TARS3: variants seen among roughly 807,000 people sequenced by gnomAD.
The protein encoded by TARS3 is threonine--tRNA ligase 2, cytoplasmic.
In TARS3, 94 loss-of-function variants were observed where a neutral mutation model predicts 103.5. The ratio of observed to expected loss-of-function variants is 0.91; its 90% confidence interval spans 0.77 to 1.08. The LOEUF is 1.08. Among genes scored for constraint, TARS3 ranks in the 50% least tolerant of loss-of-function variants. The pLI is 0.00. For missense variants in TARS3, 952 were observed against 995.2 expected (o/e 0.96, Z 0.58); for synonymous variants, 416 against 355.4 (o/e 1.17, Z -1.92).
chr15:101,723,948 CAGGG>C, intron 1 of TARS3, 139 bp downstream of exon 1: 7 of 743,328 alleles, frequency 9.4e-6, no homozygotes, highest in Non-Finnish European at 1.3e-5. Flanking sequence ...CCGAGCAGGG[CAGGG>C]CGGGCCAGCC....
At chr15:101,655,581 A>G (rs1897170470) in intron 18 of TARS3, among the ~76,000 whole-genome samples, 1 of 138,348 alleles carries the variant, frequency 7.2e-6, no homozygotes, top group Non-Finnish European at 1.6e-5. Flanking sequence ...ACCTGGCACT[A>G]GGGCGCAAAT....
chr15:101,678,391 C>T (rs1340356866), intron 12 of TARS3, among the ~76,000 whole-genome samples: 2 of 152,118 alleles, frequency 1.3e-5, no homozygotes, highest in Non-Finnish European at 2.9e-5. Flanking sequence ...CTTGTTCTCT[C>T]TTGTTATTCA....
chr15:101,711,228 T>C (rs2141444957), intron 5 of TARS3, among the ~76,000 whole-genome samples: 1 of 152,288 alleles, frequency 6.6e-6, no homozygotes, highest in South Asian at 2.1e-4. Context: ...CATATTCTTC[T>C]GGGGACAAAA....
In TARS3 at chr15:101,703,817, T is replaced by A. The variant is rs760447934; in HGVS notation, c.1074+42A>T. The A allele has an allele frequency of 2.4e-6, 3 of 1,239,440 alleles. No homozygotes were observed. In the Admixed American group the frequency reaches 5.2e-5, roughly 21 times the overall value. The allele number at this position is 1,239,440 out of a possible 1,614,324, so 76.8% of individuals were successfully genotyped here. The stretch of plus-strand genomic sequence containing the variant: ...ATGATTAAAATCCTTTAATAGCTAG[T>A]GCACCTTAAGTTTACTGTATTAAAA... On this transcript the variant is annotated intron_variant, in intron 8 of 18. Transcript: ENST00000335968.
In TARS3 at chr15:101,703,461, A is replaced by G. The variant is rs542431910; in HGVS notation, c.1074+398T>C. 3.9e-5 allele frequency among the ~76,000 whole-genome samples: 6 copies of G among 152,206 alleles called. No homozygotes were observed. In the South Asian group the frequency reaches 1.2e-3, roughly 32 times the overall value. ...AAAAATTAGCCGGGTGGGGTGGTGC[A>G]GGCCTGTAATCACAGCTCCTCAGGA... On this transcript the variant is annotated intron_variant, in intron 8 of 18. Transcript: ENST00000335968.
chr15:101,666,749 A>G (rs920482159), intron 15 of TARS3, among the ~76,000 whole-genome samples: 3 of 152,184 alleles, frequency 2.0e-5, no homozygotes, highest in Admixed American at 2.0e-4. Context: ...ATATCTTCAG[A>G]TATATGAGAA....
chr15:101,701,449 A>G (rs1211904397), intron 9 of TARS3, among the ~76,000 whole-genome samples: 4 of 152,216 alleles, frequency 2.6e-5, no homozygotes, highest in African/African-American at 9.6e-5. Flanking sequence ...TACGGCACTC[A>G]TGGGGAGACA....
In TARS3 at chr15:101,723,147, G is replaced by C. The variant is rs779864202; in HGVS notation, c.315C>G (p.Ser105Arg). ...EAGAQPPPSQ[S>R]QDKDMKKKKM... ...TCTTCTTTTTCATGTCCTTGTCTTG[G>C]CTTTGACTAGGAGGAGGCTGAAAGA... The change falls in exon 2 of 19, where the codon AGC (serine) becomes AGG (arginine). Residue 105 changes from serine to arginine, a missense_variant. By Grantham distance (110) the Ser-to-Arg change is moderately radical. Coordinates refer to ENST00000335968, the MANE Select transcript of TARS3 (RefSeq NM_152334.3). The C allele has an allele frequency of 2.5e-6, 4 of 1,613,876 alleles. No individual in the cohort carries two copies. In the South Asian group the frequency reaches 4.4e-5, roughly 18 times the overall value.
chr15:101,684,002 A>G, intron 12 of TARS3, 73 bp downstream of exon 12: 1 of 1,436,816 alleles, frequency 7.0e-7, no homozygotes, highest in Non-Finnish European at 9.3e-7. Context: ...GTAACTCTGA[A>G]AGAATACAAG....
At chr15:101,719,436 C>T (rs1442798239) in intron 3 of TARS3, among the ~76,000 whole-genome samples, 1 of 152,144 alleles carries the variant, frequency 6.6e-6, no homozygotes, top group Non-Finnish European at 1.5e-5. Context: ...AAGAAGAGTA[C>T]CCACAGATAT....
At position 101,714,643 on chromosome 15, in the gene TARS3, T is replaced by C. The variant is rs1051019949; in HGVS notation, c.690+197A>G. 2.9e-5 allele frequency: 6 copies of C among 204,480 alleles called. No homozygotes were observed. The Admixed American group carries it at 3.4e-4, about 12-fold the overall frequency. The allele number at this position is 204,480 out of a possible 1,614,324, so 12.7% of individuals were successfully genotyped here. On this transcript the variant is annotated intron_variant, in intron 4 of 18. Transcript: ENST00000335968. ...AAAAAAAAAAAAAAGAAATTATAAA[T>C]ATGGGCTACTTTAAAAACTGACATG...
intron 11 of TARS3, among the ~76,000 whole-genome samples, chr15:101,684,995 T>G (rs1320791849): frequency 6.6e-6 from 1 of 152,234 alleles, no homozygotes; most frequent in Non-Finnish European, 1.5e-5. Flanking sequence ...AGCTTCTACC[T>G]TCTGTTTAGA....
chr15:101,679,246 C>A (rs1200483778), intron 12 of TARS3, among the ~76,000 whole-genome samples: 3 of 152,166 alleles, frequency 2.0e-5, no homozygotes, highest in Non-Finnish European at 4.4e-5. Flanking sequence ...GTCTCCTCTC[C>A]TTCCAAAATT....
Position 101,691,518 on chromosome 15 carries a change from G to A in TARS3, c.1321-5456C>T, listed in dbSNP as rs188283814. Among the ~76,000 whole-genome samples the A allele has an allele frequency of 2.5e-4, 38 of 152,012 alleles. No homozygotes were observed. In the East Asian group the frequency reaches 4.1e-3, roughly 16 times the overall value. On this transcript the variant is annotated intron_variant, in intron 10 of 18. Coordinates refer to ENST00000335968, the MANE Select transcript of TARS3 (RefSeq NM_152334.3). ...TGGTCTCGAACTCCTGGCTTCAAGCGATCCACCCCTCTCAGCCTCCCAAAG... is the reference window on the plus strand; with the variant it reads ...TGGTCTCGAACTCCTGGCTTCAAGCAATCCACCCCTCTCAGCCTCCCAAAG...
At chr15:101,706,749 A>G (rs1899585265) in intron 6 of TARS3, among the ~76,000 whole-genome samples, 1 of 152,204 alleles carries the variant, frequency 6.6e-6, no homozygotes. Context: ...CTTTATATTA[A>G]ATAACTACTT....
At chr15:101,698,034 G>T (rs1410038284) in intron 10 of TARS3, among the ~76,000 whole-genome samples, 1 of 152,204 alleles carries the variant, frequency 6.6e-6, no homozygotes, top group East Asian at 1.9e-4. Flanking sequence ...AAGGAATCAG[G>T]TTGAGAACAA....
At chr15:101,713,604 T>C (rs1014937657) in intron 4 of TARS3, among the ~76,000 whole-genome samples, 3 of 151,840 alleles carry the variant, frequency 2.0e-5, no homozygotes, top group African/African-American at 7.3e-5. Flanking sequence ...GGAGATGGAG[T>C]TGAGGGACGG....
At chr15:101,709,750 G>C (rs1204651642) in intron 5 of TARS3, among the ~76,000 whole-genome samples, 2 of 152,238 alleles carry the variant, frequency 1.3e-5, no homozygotes, top group Non-Finnish European at 2.9e-5. Context: ...ACCCAGCACA[G>C]AGCACACAGC....
At position 101,679,747 on chromosome 15, in the gene TARS3, A is replaced by G. The variant is rs1429503797; in HGVS notation, c.1651-4010T>C. 4.6e-5 allele frequency among the ~76,000 whole-genome samples: 7 copies of G among 152,180 alleles called. No individual in the cohort carries two copies. In the South Asian group the frequency reaches 1.4e-3, roughly 32 times the overall value. ...TTTATAGTAAGCCTCTGGATCTTAA[A>G]TGTTGTTTTAGCTGACTTCCACTGA... On this transcript the variant is annotated intron_variant, in intron 12 of 18. Transcript: ENST00000335968.
Sources: allele counts gnomAD v4.1 joint callset (sites outside exome capture counted in the v4.1 genomes callset), GRCh38; gene constraint gnomAD v4.1.1; transcripts MANE v1.5; gene names NCBI Gene and HGNC (gene_info 2026-07-23, HGNC 2026-07-21).